The following CDS2 variants were observed in gnomAD, a reference collection of about 807,000 sequenced individuals.
CDS2 encodes phosphatidate cytidylyltransferase 2.
In CDS2, 47 loss-of-function variants were observed where a neutral mutation model predicts 59.0. The ratio of observed to expected loss-of-function variants is 0.80; its 90% CI spans 0.63 to 1.02. CDS2 has a LOEUF of 1.02. CDS2 is among the 50% of genes least tolerant of loss of function. The pLI is 0.00. For missense variants in CDS2, 356 were observed against 558.9 expected (o/e 0.64, Z 3.66); for synonymous variants, 207 against 206.4 (o/e 1.00, Z -0.02).
At chr20:5,162,606 T>TG (rs2090883514) in intron 1 of CDS2, among the ~76,000 whole-genome samples, 1 of 152,060 alleles carries the variant, frequency 6.6e-6, no homozygotes, top group African/African-American at 2.4e-5. Context: ...ATCTGAAGCT[T>TG]GGGGGAGAAG....
chr20:5,177,440 G>T (rs981438156), intron 4 of CDS2, among the ~76,000 whole-genome samples: 1 of 152,058 alleles, frequency 6.6e-6, no homozygotes, highest in Non-Finnish European at 1.5e-5. Context: ...GGGAAAGTTG[G>T]CTTTCTCCGT....
At chr20:5,133,527 C>G (rs1473267734) in intron 1 of CDS2, among the ~76,000 whole-genome samples, 1 of 151,590 alleles carries the variant, frequency 6.6e-6, no homozygotes, top group Non-Finnish European at 1.5e-5. Context: ...TGAAGGTCTT[C>G]TATTTATTTA....
chr20:5,163,782 TC>T (rs1388468901), intron 1 of CDS2, among the ~76,000 whole-genome samples: 10 of 144,176 alleles, frequency 6.9e-5, no homozygotes, highest in African/African-American at 2.6e-4. Context: ...TTTCATAATT[TC>T]TTTCTTTCTT....
At chr20:5,159,737 G>T (rs1270747151) in intron 1 of CDS2, among the ~76,000 whole-genome samples, 1 of 151,968 alleles carries the variant, frequency 6.6e-6, no homozygotes, top group Non-Finnish European at 1.5e-5. Flanking sequence ...ACCAAACTGG[G>T]TTCTTTTGAA....
chr20:5,185,809 G>C lies in CDS2; in HGVS notation c.811G>C (p.Val271Leu). The C allele has an allele frequency of 1.2e-6, 2 of 1,614,244 alleles. No individual in the cohort carries two copies. Among genetic ancestry groups the C allele is most frequent in the Non-Finnish European group, 1.7e-6 (2 of 1,180,028 alleles). The change falls in exon 9 of 13, where the codon GTG becomes CTG. Residue 271 changes from valine (V) to leucine (L), a missense_variant. By Grantham distance (32) the Val-to-Leu change is conservative (BLOSUM62 1). Around this residue, in one of 5 missense-constraint regions of CDS2, gnomAD observed 88 missense variants for 103.6 expected, o/e 0.85. Transcript: ENST00000460006. Reference sequence around the variant, plus strand: ...CTTCATTGGGGGCTTCTTTGCTACTGTGGTGTTTGGCCTTCTGGTAGGTGG... The same window carrying C: ...CTTCATTGGGGGCTTCTTTGCTACTCTGGTGTTTGGCCTTCTGGTAGGTGG... The part of the protein sequence containing the change: ...EGFIGGFFAT[V>L]VFGLLLSYVM...
At chr20:5,189,668 G>T in intron 11 of CDS2, 67 bp from the exon 12 acceptor site, 1 of 1,145,896 alleles carries the variant, frequency 8.7e-7, no homozygotes. Flanking sequence ...ATTGGGGTGG[G>T]ACCATTAGGC....
At chr20:5,133,786 A>G (rs531837119) in intron 1 of CDS2, among the ~76,000 whole-genome samples, 1 of 152,288 alleles carries the variant, frequency 6.6e-6, no homozygotes, top group South Asian at 2.1e-4. Flanking sequence ...TGGCCTACCA[A>G]AGTGATGGGA....
rs2091157562 is a variant in CDS2, at chr20:5,196,382, TGG to T, written c.*6149_*6150del. On this transcript the variant is annotated 3_prime_UTR_variant, in exon 13 of 13. Transcript: ENST00000460006. ...CACTGCTGGGCCGGGGAGGGGGTTG[TGG>T]TAAGGGCCCTCTGGAAATCAAGCAG... 1.3e-5 allele frequency: 2 copies of T among 152,238 alleles called. No homozygotes were observed. The highest frequency in any genetic ancestry group is 4.1e-4 in the South Asian group (2 of 4,828). 9.4% of individuals were successfully genotyped at this position (152,238 alleles called of 1,614,324 possible).
chr20:5,173,463 C>A (rs923951580), intron 1 of CDS2, 60 bp from the exon 2 acceptor site: 76 of 1,593,990 alleles, frequency 4.8e-5, no homozygotes, highest in Non-Finnish European at 6.4e-5. Flanking sequence ...CAGGCATAGA[C>A]TTCTCAATGG....
chr20:5,136,591 T>C lies in CDS2; in HGVS notation c.57+9442T>C, dbSNP rs199805531. On this transcript the variant is annotated intron_variant, in intron 1 of 12. Coordinates refer to ENST00000460006, the MANE Select transcript of CDS2 (RefSeq NM_003818.4). The stretch of plus-strand genomic sequence containing the variant: ...TTTCAGGATTTATTGCTTGCCTTAT[T>C]GTAAACCCTGTGAATTGAGCTCCCT... 7.2e-5 allele frequency among the ~76,000 whole-genome samples: 11 copies of C among 152,320 alleles called. No homozygotes were observed. The East Asian group carries it at 2.1e-3, about 29-fold the overall frequency.
chr20:5,137,620 A>G (rs553046672), intron 1 of CDS2, among the ~76,000 whole-genome samples: 8 of 151,806 alleles, frequency 5.3e-5, no homozygotes, highest in Non-Finnish European at 1.2e-4. Context: ...AGCATGTATT[A>G]TTAAAAATTA....
At chr20:5,171,084 C>T (rs2123035731) in intron 1 of CDS2, among the ~76,000 whole-genome samples, 1 of 152,354 alleles carries the variant, frequency 6.6e-6, no homozygotes, top group East Asian at 1.9e-4. Flanking sequence ...TTTTACTACT[C>T]TCTGCCTCTG....
At chr20:5,168,276 G>T (rs936690786) in intron 1 of CDS2, among the ~76,000 whole-genome samples, 12 of 150,682 alleles carry the variant, frequency 8.0e-5, no homozygotes, top group African/African-American at 2.7e-4. Flanking sequence ...TTATCTGGGC[G>T]TGTTGGCGGG....
In CDS2 at chr20:5,127,046, G is replaced by T. The variant is rs540968610; in HGVS notation, c.-47G>T. On this transcript the variant is annotated 5_prime_UTR_variant, in exon 1 of 13. Transcript: ENST00000460006. The stretch of plus-strand genomic sequence containing the variant: ...TGCCCGCGCCGAGCTGCCTGCTCCG[G>T]CGGCTTCGCTGCTAGCTCGCGGCGA... The T allele has an allele frequency of 5.9e-5, 87 of 1,477,256 alleles. No homozygotes were observed. In the South Asian group the frequency reaches 1.1e-3, roughly 18 times the overall value. 91.5% of individuals were successfully genotyped at this position (1,477,256 alleles called of 1,614,324 possible).
intron 10 of CDS2, among the ~76,000 whole-genome samples, chr20:5,188,662 G>C (rs1023446443): frequency 6.6e-6 from 1 of 152,174 alleles, no homozygotes; most frequent in South Asian, 2.1e-4. Context: ...AAAGAAAAGA[G>C]GTTTACTTAG....
At chr20:5,130,209 AGGT>A (rs2090593004) in intron 1 of CDS2, among the ~76,000 whole-genome samples, 1 of 151,810 alleles carries the variant, frequency 6.6e-6, no homozygotes, top group African/African-American at 2.4e-5. Flanking sequence ...TCCTGACCTC[AGGT>A]GATCTACCCA....
At chr20:5,147,036 G>T (rs1333748480) in intron 1 of CDS2, among the ~76,000 whole-genome samples, 1 of 152,334 alleles carries the variant, frequency 6.6e-6, no homozygotes, top group Non-Finnish European at 1.5e-5. Context: ...CTGCTCACAT[G>T]TCATTGGCCA....
chr20:5,167,221 C>T (rs2090919512), intron 1 of CDS2, among the ~76,000 whole-genome samples: 1 of 152,204 alleles, frequency 6.6e-6, no homozygotes, highest in Admixed American at 6.5e-5. Context: ...GCTGAATCTG[C>T]CACATTCATG....
At chr20:5,153,437 C>T (rs1568533457) in intron 1 of CDS2, among the ~76,000 whole-genome samples, 1 of 152,210 alleles carries the variant, frequency 6.6e-6, no homozygotes, top group Non-Finnish European at 1.5e-5. Flanking sequence ...AGCCACTAGC[C>T]TGACTTCTGG....
Sources: gnomAD v4.1 joint callset for allele counts (sites outside exome capture counted in the v4.1 genomes callset) on GRCh38, gnomAD v4.1.1 for gene constraint, gnomAD v4.1.1 regional missense constraint, MANE v1.5 for transcripts, NCBI Gene and HGNC (gene_info 2026-07-23, HGNC 2026-07-21) for gene names.